Variants in CD244 observed in about 807,000 individuals in gnomAD.
The protein encoded by CD244 is CD244 molecule.
A neutral mutation model predicts 45.5 loss-of-function variants in CD244; 20 were observed. That is an observed-to-expected ratio of 0.44 (90% CI 0.31 to 0.64). CD244 has a LOEUF of 0.64. CD244 is among the 30% of genes least tolerant of loss of function. CD244 has a pLI of 0.08. For synonymous variants in CD244, 185 were observed against 160.5 expected, an observed-to-expected ratio of 1.15 and a Z score of -1.15; for missense variants, 407 against 426.9, an observed-to-expected ratio of 0.95 and a Z score of 0.41.
rs183116163 is a variant in CD244 at position 160,848,852 on chromosome 1, T to G, written c.62-6951A>C. Among the ~76,000 whole-genome samples, 38 of 152,348 alleles carry G rather than the reference T, an allele frequency of 2.5e-4. 1 individual carries two copies. The East Asian group carries it at 5.8e-3, about 23-fold the overall frequency. On this transcript the variant is annotated intron_variant, in intron 1 of 8. Coordinates refer to ENST00000368034, the MANE Select transcript of CD244 (RefSeq NM_016382.4). ...ATGCCATCTCTTCATCTGTATCCTT[T>G]GTAATATCTCTTATAATAGACCAGC...
chr1:160,834,067 A>G lies in CD244; in HGVS notation c.944T>C (p.Ile315Thr), dbSNP rs764961229. Residue 315 changes from isoleucine to threonine, a missense_variant, in exon 7 of 9, where the codon ATT (isoleucine) becomes ACT (threonine). Coordinates refer to ENST00000368034, the MANE Select transcript of CD244 (RefSeq NM_016382.4). ...QEPAYTLYSL[I>T]QPSRKSGSRK... ...GAGGCTCACCTTCCTGGAAGGCTGA[A>G]TTAATGAATATAATGTATATGCAGG... 1 of 1,611,822 alleles carries G rather than the reference A, an allele frequency of 6.2e-7. No homozygotes were observed. Among genetic ancestry groups the G allele is most frequent in the South Asian group, 1.1e-5 (1 of 91,032 alleles).
chr1:160,841,188 T>G, intron 3 of CD244, 22 bp downstream of exon 3: 1 of 1,612,928 alleles, frequency 6.2e-7, no homozygotes, highest in Non-Finnish European at 8.5e-7. Flanking sequence ...GCGCTTGTTA[T>G]AGCCCAGTGT....
intron 1 of CD244, among the ~76,000 whole-genome samples, chr1:160,860,635 C>G (rs1030246969): frequency 1.3e-5 from 2 of 152,132 alleles, no homozygotes; most frequent in Non-Finnish European, 2.9e-5. Flanking sequence ...ACAACTTGTT[C>G]TCAAGTGGTT....
chr1:160,844,850 T>G (rs953188588), intron 1 of CD244, among the ~76,000 whole-genome samples: 1 of 151,996 alleles, frequency 6.6e-6, no homozygotes, highest in Non-Finnish European at 1.5e-5. Context: ...TGGCACACAC[T>G]TGTAACCCCA....
At chr1:160,858,048 C>CAA (rs142535548) in intron 1 of CD244, among the ~76,000 whole-genome samples, 53 of 144,944 alleles carry the variant, frequency 3.7e-4, no homozygotes, top group African/African-American at 1.2e-3. Flanking sequence ...CCCTGTCTCA[C>CAA]AAAAAAATAA....
chr1:160,844,696 C>G (rs1472493560), intron 1 of CD244, among the ~76,000 whole-genome samples: 2 of 152,212 alleles, frequency 1.3e-5, no homozygotes, highest in Non-Finnish European at 2.9e-5. Flanking sequence ...TAGCCCTGGC[C>G]TGGTGCGGTG....
In CD244 at chr1:160,839,060, C is replaced by T. The variant is rs749643729; in HGVS notation, c.656-11G>A. 3.1e-6 allele frequency: 5 copies of T among 1,595,642 alleles called. No individual in the cohort carries two copies. In the African/African-American group the frequency reaches 6.7e-5, roughly 21 times the overall value. ...GCCAAAATCTGAATTCTGAGGAATA[C>T]AGAAGGCGTGAGAACTGAGCTGTCA... On this transcript the variant is annotated splice_polypyrimidine_tract_variant and intron_variant, in intron 3 of 8. Coordinates refer to ENST00000368034, the MANE Select transcript of CD244 (RefSeq NM_016382.4).
At position 160,831,173 on chromosome 1, in the gene CD244, G is replaced by T. The variant is rs773287903; in HGVS notation, c.*174C>A. On this transcript the variant is annotated 3_prime_UTR_variant, in exon 9 of 9. Coordinates refer to ENST00000368034, the MANE Select transcript of CD244 (RefSeq NM_016382.4). ...TTGGAAGATATTATTTAACAGCCTT[G>T]CTCTTATCATGGTTGTTAGACATCA... 1 of 591,804 alleles carries T rather than the reference G, an allele frequency of 1.7e-6. No individual in the cohort carries two copies. The highest frequency in any genetic ancestry group is 1.8e-5 in the African/African-American group (1 of 54,148). The allele number at this position is 591,804 out of a possible 1,614,324, so 36.7% of individuals were successfully genotyped here. A position where few individuals can be genotyped will look rare whatever the true frequency, so the allele number is the denominator to read the frequency against.
chr1:160,860,809 C>T (rs1412366038), intron 1 of CD244, among the ~76,000 whole-genome samples: 1 of 152,164 alleles, frequency 6.6e-6, no homozygotes, highest in Non-Finnish European at 1.5e-5. Flanking sequence ...TTATTTCAAA[C>T]TAAAAAGCTT....
At chr1:160,847,371 C>A (rs1278287969) in intron 1 of CD244, among the ~76,000 whole-genome samples, 2 of 151,892 alleles carry the variant, frequency 1.3e-5, no homozygotes, top group African/African-American at 2.4e-5. Context: ...ATATATAAAA[C>A]AATTCTCCTA....
In CD244 at chr1:160,851,622, C is replaced by A. The variant is rs532951130; in HGVS notation, c.62-9721G>T. Among the ~76,000 whole-genome samples the A allele has an allele frequency of 2.3e-4, 35 of 152,278 alleles. No individual in the cohort carries two copies. In the South Asian group the frequency reaches 2.7e-3, roughly 12 times the overall value. On this transcript the variant is annotated intron_variant, in intron 1 of 8. Transcript: ENST00000368034. ...AAGCACAAGAGAATATCTTCTACAT[C>A]TTGAGATAGACAAATGTTTCCTTTT...
Position 160,838,370 on chromosome 1 carries a change from T to C in CD244, c.834+81A>G, listed in dbSNP as rs1002217898. On this transcript the variant is annotated intron_variant, in intron 5 of 8. Transcript: ENST00000368034. ...AAGGACAGTCGTTCAGTCCTTTTTG[T>C]CCCTCTGCTCTGAATAACCATCATT... 12 of 1,014,414 alleles carry C rather than the reference T, an allele frequency of 1.2e-5. No individual in the cohort carries two copies. In the African/African-American group the frequency reaches 1.9e-4, roughly 16 times the overall value. The allele number at this position is 1,014,414 out of a possible 1,614,324, so 62.8% of individuals were successfully genotyped here. A position where few individuals can be genotyped will look rare whatever the true frequency, so the allele number is the denominator to read the frequency against.
At chr1:160,841,939 G>A (rs1265553460) in intron 1 of CD244, 38 bp from the exon 2 acceptor site, 1 of 1,583,708 alleles carries the variant, frequency 6.3e-7, no homozygotes, top group Non-Finnish European at 8.6e-7. Flanking sequence ...AGCGGGAAGA[G>A]TGTCAGGCCT....
chr1:160,852,705 CT>C (rs1669959207), intron 1 of CD244, among the ~76,000 whole-genome samples: 1 of 151,950 alleles, frequency 6.6e-6, no homozygotes, highest in South Asian at 2.1e-4. Flanking sequence ...TACATATACC[CT>C]TTGATCCAGA....
At chr1:160,850,262 A>C (rs1466130404) in intron 1 of CD244, among the ~76,000 whole-genome samples, 1 of 152,154 alleles carries the variant, frequency 6.6e-6, no homozygotes, top group Admixed American at 6.5e-5. Flanking sequence ...AAATAATTTC[A>C]AGAAGAAATA....
At chr1:160,847,007 G>A (rs967649068) in intron 1 of CD244, among the ~76,000 whole-genome samples, 1 of 149,828 alleles carries the variant, frequency 6.7e-6, no homozygotes, top group African/African-American at 2.5e-5. Context: ...AATGAGAAGG[G>A]AATCAAAAAG....
intron 5 of CD244, 126 bp downstream of exon 5, chr1:160,838,325 A>T: frequency 1.3e-6 from 1 of 750,920 alleles, no homozygotes; most frequent in East Asian, 2.5e-5. Flanking sequence ...TAGATGGGGA[A>T]GGGCTGAGGG....
At chr1:160,853,782 T>TAAAA (rs5778184) in intron 1 of CD244, among the ~76,000 whole-genome samples, 18 of 94,722 alleles carry the variant, frequency 1.9e-4, no homozygotes, top group African/African-American at 7.3e-4. Flanking sequence ...AGACCCTGCC[T>TAAAA]AAAAAAAAAA....
At chr1:160,862,595 A>T (rs778536202) in intron 1 of CD244, 22 bp downstream of exon 1, 2 of 1,610,722 alleles carry the variant, frequency 1.2e-6, no homozygotes, top group Non-Finnish European at 1.7e-6. Context: ...CCCTCGCCCC[A>T]CGCCAGGTAG....
Sources: gnomAD v4.1 joint callset for allele counts (sites outside exome capture counted in the v4.1 genomes callset) on GRCh38, gnomAD v4.1.1 for gene constraint, MANE v1.5 for transcripts, NCBI Gene and HGNC (gene_info 2026-07-23, HGNC 2026-07-21) for gene names.